Variants in PRKG1 observed in about 807,000 individuals in gnomAD.
PRKG1 encodes the protein cGMP-dependent protein kinase 1.
In PRKG1, 35 loss-of-function variants were observed where a neutral mutation model predicts 88.1. The ratio of observed to expected loss-of-function variants is 0.40; its 90% CI spans 0.30 to 0.53. The LOEUF (loss-of-function observed/expected upper bound fraction) is 0.53, where lower values mean the gene tolerates loss of function less well. PRKG1 is among the 20% of genes least tolerant of loss of function. PRKG1 has a pLI of 0.59. For synonymous variants in PRKG1, 303 were observed against 292.5 expected (o/e 1.04, Z -0.37); for missense variants, 540 against 839.8 (o/e 0.64, Z 4.41).
chr10:51,606,251 T>A (rs759812507), intron 3 of PRKG1, among the ~76,000 whole-genome samples: 1 of 152,108 alleles, frequency 6.6e-6, no homozygotes. Context: ...TCCAGACTAA[T>A]TGGGTAACTA....
At chr10:51,387,574 C>T (rs1837286600) in intron 2 of PRKG1, among the ~76,000 whole-genome samples, 1 of 151,988 alleles carries the variant, frequency 6.6e-6, no homozygotes. Flanking sequence ...CTGTTTTCTG[C>T]CTGTTTCACT....
chr10:51,059,817 A>C (rs1220751401), intron 1 of PRKG1, among the ~76,000 whole-genome samples: 1 of 152,132 alleles, frequency 6.6e-6, no homozygotes, highest in Non-Finnish European at 1.5e-5. Flanking sequence ...TATGTAGTGT[A>C]ATTAACTCAC....
chr10:52,103,575 A>G (rs1312234576), intron 7 of PRKG1, among the ~76,000 whole-genome samples: 2 of 152,160 alleles, frequency 1.3e-5, no homozygotes, highest in Non-Finnish European at 2.9e-5. Flanking sequence ...CACATATAAT[A>G]TATACAAGAA....
chr10:51,366,550 A>C (rs1324526148), intron 2 of PRKG1, among the ~76,000 whole-genome samples: 2 of 151,924 alleles, frequency 1.3e-5, no homozygotes, highest in African/African-American at 4.8e-5. Context: ...TAACATACCT[A>C]TCTGTAAATA....
chr10:52,066,524 T>G (rs548298299), intron 7 of PRKG1, among the ~76,000 whole-genome samples: 1 of 152,292 alleles, frequency 6.6e-6, no homozygotes, highest in East Asian at 1.9e-4. Flanking sequence ...CCTTCTTCCA[T>G]TGATCACATT....
intron 5 of PRKG1, among the ~76,000 whole-genome samples, chr10:51,948,364 A>G (rs1843103577): frequency 6.6e-6 from 1 of 152,252 alleles, no homozygotes; most frequent in South Asian, 2.1e-4. Context: ...TTTTGTCTAT[A>G]GTTTGTTGCC....
At chr10:51,729,638 C>T (rs977584023) in intron 3 of PRKG1, among the ~76,000 whole-genome samples, 4 of 123,098 alleles carry the variant, frequency 3.2e-5, no homozygotes, top group African/African-American at 6.2e-5. Context: ...ACCCAGGAGG[C>T]GGAGTTTGCA....
Position 51,387,362 on chromosome 10 carries a change from T to G in PRKG1, c.479-80361T>G, listed in dbSNP as rs150779483. Among the ~76,000 whole-genome samples, 260 of 149,360 alleles carry G rather than the reference T, an allele frequency of 1.7e-3. 1 individual carries two copies. Among genetic ancestry groups the G allele is most frequent in the African/African-American group, 5.8e-3 (240 of 41,076 alleles). On this transcript the variant is annotated intron_variant, in intron 2 of 17. Transcript: ENST00000373980. ...TATGTAAATATTATATATAAATATA[T>G]GAAATTTAAATAAACTTAATATATA...
intron 11 of PRKG1, among the ~76,000 whole-genome samples, chr10:52,271,940 G>A (rs1285831372): frequency 1.3e-5 from 2 of 152,062 alleles, no homozygotes; most frequent in Non-Finnish European, 2.9e-5. Context: ...GCAGCTTTTT[G>A]TAGTGAATTT....
At chr10:51,933,351 T>C (rs1320095524) in intron 5 of PRKG1, among the ~76,000 whole-genome samples, 1 of 152,188 alleles carries the variant, frequency 6.6e-6, no homozygotes, top group Non-Finnish European at 1.5e-5. Flanking sequence ...GGATGATCTA[T>C]AAGCTTCATT....
intron 4 of PRKG1, among the ~76,000 whole-genome samples, chr10:51,843,427 A>G (rs1840327692): frequency 6.6e-6 from 1 of 152,206 alleles, no homozygotes; most frequent in Non-Finnish European, 1.5e-5. Flanking sequence ...AATCTAGTTT[A>G]ATAGCCTATG....
chr10:51,577,300 C>G (rs1837913527), intron 3 of PRKG1, among the ~76,000 whole-genome samples: 1 of 151,940 alleles, frequency 6.6e-6, no homozygotes, highest in Non-Finnish European at 1.5e-5. Context: ...AAAAATATTT[C>G]CCATGTAGTA....
intron 3 of PRKG1, among the ~76,000 whole-genome samples, chr10:51,496,289 G>A (rs1451770782): frequency 6.6e-6 from 1 of 152,138 alleles, no homozygotes; most frequent in Non-Finnish European, 1.5e-5. Flanking sequence ...TGCCTTGTAC[G>A]ATTAGAGGCA....
chr10:51,506,379 T>TG (rs1342045109), intron 3 of PRKG1, among the ~76,000 whole-genome samples: 1 of 152,036 alleles, frequency 6.6e-6, no homozygotes, highest in Non-Finnish European at 1.5e-5. Context: ...ACCTACAGAA[T>TG]GGGAGAAAAT....
chr10:51,694,451 A>C (rs1002956351), intron 3 of PRKG1, among the ~76,000 whole-genome samples: 1 of 152,212 alleles, frequency 6.6e-6, no homozygotes, highest in Non-Finnish European at 1.5e-5. Flanking sequence ...CCTACTTTTG[A>C]CTGGGATTCA....
chr10:52,079,862 T>A (rs894759990), intron 7 of PRKG1, among the ~76,000 whole-genome samples: 1 of 152,168 alleles, frequency 6.6e-6, no homozygotes, highest in Non-Finnish European at 1.5e-5. Context: ...CATTATTAGA[T>A]ATATGGTATG....
chr10:51,194,610 A>G (rs185280094), intron 2 of PRKG1, among the ~76,000 whole-genome samples: 1 of 152,236 alleles, frequency 6.6e-6, no homozygotes, highest in Admixed American at 6.5e-5. Context: ...ACATTGAATG[A>G]AAAAATTTAT....
At chr10:51,285,809 C>A (rs949616697) in intron 2 of PRKG1, among the ~76,000 whole-genome samples, 1 of 152,060 alleles carries the variant, frequency 6.6e-6, no homozygotes, top group Admixed American at 6.5e-5. Flanking sequence ...GTTCTGAAGC[C>A]GTCCCCCGCT....
At position 51,929,938 on chromosome 10, in the gene PRKG1, C is replaced by T. The variant is rs573459945; in HGVS notation, c.762+22368C>T. ...ATGAATCTTTGTGTAATAAAGTTGG[C>T]TTCCACATAGAAGCGTTATTGGAAA... On this transcript the variant is annotated intron_variant, in intron 5 of 17. Coordinates refer to ENST00000373980, the MANE Select transcript of PRKG1 (RefSeq NM_006258.4). 7.9e-5 allele frequency among the ~76,000 whole-genome samples: 12 copies of T among 152,240 alleles called. 1 individual carries two copies. The South Asian group carries it at 2.5e-3, about 32-fold the overall frequency.
Sources: gnomAD v4.1 joint callset for allele counts (sites outside exome capture counted in the v4.1 genomes callset) on GRCh38, gnomAD v4.1.1 for gene constraint, MANE v1.5 for transcripts, NCBI Gene and HGNC (gene_info 2026-07-23, HGNC 2026-07-21) for gene names.